YJU2B: variants seen among roughly 807,000 people sequenced by gnomAD.
YJU2B encodes the protein probable splicing factor YJU2B.
A neutral mutation model predicts 38.0 loss-of-function variants in YJU2B; 18 were observed. The observed-to-expected ratio is 0.47, with a 90% CI of 0.33 to 0.70. The LOEUF is 0.70. Among genes scored for constraint, YJU2B ranks in the 30% least tolerant of loss-of-function variants. The pLI is 0.02. For synonymous variants in YJU2B, 246 were observed against 225.4 expected, an observed-to-expected ratio of 1.09 and a Z score of -0.82; for missense variants, 538 against 556.3, an observed-to-expected ratio of 0.97 and a Z score of 0.33.
intron 3 of YJU2B, 66 bp from the exon 4 acceptor site, chr19:13,756,131 G>T: frequency 2.4e-6 from 3 of 1,260,110 alleles, no homozygotes; most frequent in Non-Finnish European, 3.5e-6. Flanking sequence ...AGCAGTGGGG[G>T]TGGCAGAAAA....
chr19:13,744,752 G>C (rs956079707), upstream of YJU2B, among the ~76,000 whole-genome samples: 1 of 152,140 alleles, frequency 6.6e-6, no homozygotes, highest in African/African-American at 2.4e-5. Flanking sequence ...CCAGCACTTT[G>C]GGAGGCCGAG....
At chr19:13,754,247 T>C (rs771481168) in intron 2 of YJU2B, 42 bp from the exon 3 acceptor site, 56 of 1,544,056 alleles carry the variant, frequency 3.6e-5, no homozygotes, top group Non-Finnish European at 5.0e-5. Flanking sequence ...AGCCAAACCA[T>C]ATCAGCCTCT....
intron 2 of YJU2B, among the ~76,000 whole-genome samples, chr19:13,742,889 C>T (rs911959069): frequency 7.9e-5 from 12 of 152,124 alleles, no homozygotes; most frequent in Admixed American, 2.0e-4. Context: ...CCTCTCATTC[C>T]TGGGGATCAG....
rs374550969 is a variant in YJU2B, at chr19:13,758,952, C to G, written c.342C>G (p.Gly114=). The change falls in exon 7 of 10, where the codon GGC becomes GGG. Residue 114 remains glycine (G), a synonymous_variant. Transcript: ENST00000221554. ...ACTGCGACTACGTGATCGTGAGTGG[C>G]GCCCAGCGCAAGGAGGAGCGCTGGG... ...PANCDYVIVS[G]AQRKEERWDM... is the part of the protein sequence containing the mutation. The G allele has an allele frequency of 3.3e-5, 54 of 1,613,876 alleles. No homozygotes were observed. The highest frequency in any genetic ancestry group is 1.6e-4 in the Middle Eastern group (1 of 6,082).
At chr19:13,735,644 T>C (rs1441506965) in intron 2 of YJU2B, among the ~76,000 whole-genome samples, 6 of 151,956 alleles carry the variant, frequency 3.9e-5, no homozygotes, top group African/African-American at 1.2e-4. Context: ...CTGATGCTAA[T>C]GGGTAAATTA....
intron 4 of YJU2B, 91 bp from the exon 5 acceptor site, chr19:13,757,327 C>T: frequency 9.3e-7 from 1 of 1,080,314 alleles, no homozygotes; most frequent in South Asian, 1.3e-5. Flanking sequence ...CCCCACCCCT[C>T]AAATCACAAC....
In YJU2B at chr19:13,734,550, G is replaced by A. The variant is rs551986299; in HGVS notation, c.-202+2265G>A. Among the ~76,000 whole-genome samples, 17 of 150,856 alleles carry A rather than the reference G, an allele frequency of 1.1e-4. 1 individual carries two copies. In the East Asian group the frequency reaches 3.2e-3, roughly 28 times the overall value. ...AGTGATCCGCCCGCCTCGGCCTCCC[G>A]AAGTGCTGGGATTACAGGCGTGAGC... On this transcript the variant is annotated intron_variant, in intron 2 of 10. Transcript: ENST00000586600.
chr19:13,748,625 C>T (rs1012319404), intron 1 of YJU2B, among the ~76,000 whole-genome samples: 1 of 152,162 alleles, frequency 6.6e-6, no homozygotes. Context: ...GCAGGCTCTT[C>T]CCGTGGGTTA....
chr19:13,755,163 C>CAAA (rs1043821281), intron 3 of YJU2B, among the ~76,000 whole-genome samples: 790 of 57,232 alleles, frequency 0.014, 14 homozygotes, highest in African/African-American at 0.039. Flanking sequence ...GACCCTGCCT[C>CAAA]AAAAAAAAAA....
intron 6 of YJU2B, among the ~76,000 whole-genome samples, chr19:13,758,665 CA>C (rs1973759965): frequency 6.6e-6 from 1 of 152,220 alleles, no homozygotes; most frequent in Admixed American, 6.5e-5. Flanking sequence ...ATGAATAAGC[CA>C]ACTGCAGCCC....
upstream of YJU2B, among the ~76,000 whole-genome samples, chr19:13,746,643 A>T (rs1599504952): frequency 6.6e-6 from 1 of 152,240 alleles, no homozygotes; most frequent in Non-Finnish European, 1.5e-5. Context: ...CCAGTGGCTC[A>T]TGCCTGTAAT....
At chr19:13,742,236 C>T (rs964549695) in intron 2 of YJU2B, among the ~76,000 whole-genome samples, 1 of 151,754 alleles carries the variant, frequency 6.6e-6, no homozygotes, top group Non-Finnish European at 1.5e-5. Context: ...CCCCATTTCT[C>T]TCTCCCCTAG....
chr19:13,755,958 CAAAAAATAA>C (rs926857083), intron 3 of YJU2B, among the ~76,000 whole-genome samples: 8 of 152,086 alleles, frequency 5.3e-5, no homozygotes, highest in Non-Finnish European at 1.0e-4. Flanking sequence ...AACTCCATCT[CAAAAAATAA>C]ATAAATAAAT....
chr19:13,745,692 T>TAGATAGATAGAG (rs57681294), upstream of YJU2B, among the ~76,000 whole-genome samples: 6 of 93,306 alleles, frequency 6.4e-5, no homozygotes, highest in African/African-American at 2.3e-4. Flanking sequence ...GATAGATAGA[T>TAGATAGATAGAG]ATAGATATAT....
chr19:13,759,274 T>A lies in YJU2B; in HGVS notation c.573+2T>A. 1 of 1,598,582 alleles carries A rather than the reference T, an allele frequency of 6.3e-7. No homozygotes were observed. The highest frequency in any genetic ancestry group is 8.5e-7 in the Non-Finnish European group (1 of 1,171,444). ...AGCATGCTGCGGAGAAGGTTCCGGG[T>A]GAGGGGGGCTCCAGCCCGGGGTCAG... On this transcript the variant is annotated splice_donor_variant, in intron 8 of 9. Coordinates refer to ENST00000221554, the MANE Select transcript of YJU2B (RefSeq NM_030818.4). LOFTEE classifies it high-confidence loss of function.
chr19:13,760,839 C>T (rs138789046), intron 8 of YJU2B, among the ~76,000 whole-genome samples: 47 of 152,078 alleles, frequency 3.1e-4, no homozygotes, highest in Middle Eastern at 3.4e-3. Context: ...GGCATGATCC[C>T]GGCTCACTGA....
upstream of YJU2B, among the ~76,000 whole-genome samples, chr19:13,746,578 A>G (rs1231045429): frequency 6.6e-6 from 1 of 152,186 alleles, no homozygotes. Context: ...TTATGTACCT[A>G]TGCAGGGGAG....
chr19:13,762,696 G>GAAGCTGGCA lies in YJU2B; in HGVS notation c.820_828dup (p.Lys274_Ala276dup). 6.2e-7 allele frequency: 1 copy of GAAGCTGGCA among 1,604,328 alleles called. No individual in the cohort carries two copies. Among genetic ancestry groups the GAAGCTGGCA allele is most frequent in the Non-Finnish European group, 8.5e-7 (1 of 1,179,126 alleles). On this transcript the variant is annotated inframe_insertion, in exon 10 of 10. Coordinates refer to ENST00000221554, the MANE Select transcript of YJU2B (RefSeq NM_030818.4). ...GCAGCAAGGTCAGCGGCGTCCTGAA[G>GAAGCTGGCA]AAGCTGGCACAGAGCCGCAGAACCG...
At chr19:13,760,970 T>C (rs1973864828) in intron 8 of YJU2B, among the ~76,000 whole-genome samples, 3 of 152,034 alleles carry the variant, frequency 2.0e-5, no homozygotes, top group Admixed American at 1.3e-4. Context: ...GGTATCACCA[T>C]GTTGGCCAGG....
Sources: gnomAD v4.1 joint callset for allele counts (sites outside exome capture counted in the v4.1 genomes callset) on GRCh38, gnomAD v4.1.1 for gene constraint, MANE v1.5 for transcripts, NCBI Gene and HGNC (gene_info 2026-07-23, HGNC 2026-07-21) for gene names.